The following TAFA5 variants were observed in gnomAD, a reference collection of about 807,000 sequenced individuals.
TAFA5 encodes TAFA chemokine like family member 5.
In TAFA5, 6 loss-of-function variants were observed where a neutral mutation model predicts 15.3. The ratio of observed to expected loss-of-function variants is 0.39; its 90% CI spans 0.21 to 0.77. TAFA5 has a LOEUF of 0.77. TAFA5 is among the 30% of genes least tolerant of loss of function. The pLI is 0.41. For missense variants in TAFA5, 161 were observed against 193.1 expected (o/e 0.83, Z 0.98); for synonymous variants, 103 against 80.7 (o/e 1.28, Z -1.48).
intron 2 of TAFA5, among the ~76,000 whole-genome samples, chr22:48,677,107 G>T (rs529133855): frequency 1.9e-4 from 29 of 152,384 alleles, no homozygotes; most frequent in African/African-American, 6.3e-4. Context: ...CAATTATCTT[G>T]GACATTCTCT....
chr22:48,565,674 C>T (rs907707377), intron 1 of TAFA5, among the ~76,000 whole-genome samples: 9 of 152,148 alleles, frequency 5.9e-5, no homozygotes, highest in African/African-American at 1.2e-4. Context: ...GAGGATTTCC[C>T]GGGACTTGCA....
At chr22:48,562,862 C>T (rs1415659867) in intron 1 of TAFA5, among the ~76,000 whole-genome samples, 1 of 152,182 alleles carries the variant, frequency 6.6e-6, no homozygotes, top group African/African-American at 2.4e-5. Flanking sequence ...CCCCAAACCA[C>T]ACGGGGCCCC....
intron 1 of TAFA5, among the ~76,000 whole-genome samples, chr22:48,636,226 C>T (rs537110897): frequency 2.6e-4 from 39 of 152,324 alleles, no homozygotes; most frequent in Middle Eastern, 3.4e-3. Context: ...GCAACACCAA[C>T]ATTATATTTC....
chr22:48,573,013 A>C (rs776792479), intron 1 of TAFA5, among the ~76,000 whole-genome samples: 53 of 152,316 alleles, frequency 3.5e-4, no homozygotes, highest in Non-Finnish European at 5.4e-4. Flanking sequence ...AAAGTCCCAC[A>C]CCTCAGGCAC....
chr22:48,621,972 G>A (rs1005933369), intron 1 of TAFA5, among the ~76,000 whole-genome samples: 3 of 152,124 alleles, frequency 2.0e-5, no homozygotes, highest in Non-Finnish European at 2.9e-5. Flanking sequence ...TTGGGCTCTC[G>A]CTGGCTAGTG....
At chr22:48,537,619 C>G (rs2147116712) in intron 1 of TAFA5, among the ~76,000 whole-genome samples, 1 of 152,368 alleles carries the variant, frequency 6.6e-6, no homozygotes, top group South Asian at 2.1e-4. Context: ...CGATGAGTGT[C>G]AAACCAAATG....
chr22:48,639,364 C>A (rs1926592394), intron 1 of TAFA5, among the ~76,000 whole-genome samples: 1 of 152,244 alleles, frequency 6.6e-6, no homozygotes, highest in Admixed American at 6.5e-5. Flanking sequence ...TAAATGCCAC[C>A]CTCTTGGTCT....
intron 2 of TAFA5, among the ~76,000 whole-genome samples, chr22:48,649,674 C>T (rs1020456995): frequency 2.6e-5 from 4 of 152,048 alleles, no homozygotes; most frequent in African/African-American, 9.7e-5. Flanking sequence ...CTGCTTCTCC[C>T]ACAGCCACAG....
intron 2 of TAFA5, among the ~76,000 whole-genome samples, chr22:48,664,850 G>A (rs568066355): frequency 3.9e-5 from 6 of 152,170 alleles, no homozygotes; most frequent in African/African-American, 7.2e-5. Flanking sequence ...GACGGTAGAC[G>A]TACAGGCTCT....
At chr22:48,724,862 C>T (rs1293642141) in intron 3 of TAFA5, among the ~76,000 whole-genome samples, 1 of 152,254 alleles carries the variant, frequency 6.6e-6, no homozygotes, top group African/African-American at 2.4e-5. Flanking sequence ...AGAGACTCAG[C>T]TCCCAGCCTG....
intron 2 of TAFA5, among the ~76,000 whole-genome samples, chr22:48,698,189 T>A (rs564009529): frequency 6.6e-6 from 1 of 151,650 alleles, no homozygotes; most frequent in Non-Finnish European, 1.5e-5. Context: ...GTGGTGATGA[T>A]GATGGTGACA....
chr22:48,629,747 G>A (rs1926147564), intron 1 of TAFA5, among the ~76,000 whole-genome samples: 1 of 152,214 alleles, frequency 6.6e-6, no homozygotes, highest in South Asian at 2.1e-4. Flanking sequence ...CACCACTGCA[G>A]GAAACCCTGG....
intron 1 of TAFA5, among the ~76,000 whole-genome samples, chr22:48,582,199 C>T (rs1263770035): frequency 6.6e-6 from 1 of 151,982 alleles, no homozygotes; most frequent in Non-Finnish European, 1.5e-5. Context: ...ACACACCACA[C>T]ACTACACGAT....
At chr22:48,583,188 C>T (rs1924155614) in intron 1 of TAFA5, among the ~76,000 whole-genome samples, 2 of 146,396 alleles carry the variant, frequency 1.4e-5, no homozygotes, top group South Asian at 4.5e-4. Flanking sequence ...ACAGTGCACT[C>T]CAAACACAAA....
At chr22:48,717,625 C>T (rs992579014) in intron 3 of TAFA5, among the ~76,000 whole-genome samples, 3 of 152,226 alleles carry the variant, frequency 2.0e-5, no homozygotes, top group Admixed American at 2.0e-4. Context: ...CTGCCTCAGC[C>T]AGATCCATTG....
At chr22:48,581,872 G>C (rs888649513) in intron 1 of TAFA5, among the ~76,000 whole-genome samples, 1 of 152,146 alleles carries the variant, frequency 6.6e-6, no homozygotes. Context: ...CTGGAGAGGG[G>C]AGGGAGGCAT....
At chr22:48,706,306 C>T (rs944053699) in intron 2 of TAFA5, among the ~76,000 whole-genome samples, 3 of 152,258 alleles carry the variant, frequency 2.0e-5, no homozygotes, top group East Asian at 3.9e-4. Flanking sequence ...AGCCTCTATT[C>T]GGAACAGTGA....
intron 3 of TAFA5, among the ~76,000 whole-genome samples, chr22:48,720,180 C>T (rs1466791531): frequency 3.3e-5 from 5 of 151,998 alleles, no homozygotes; most frequent in Non-Finnish European, 7.4e-5. Flanking sequence ...TTTCCTGGTG[C>T]CCCCTACTGG....
chr22:48,683,929 T>C (rs1473230107), intron 2 of TAFA5, among the ~76,000 whole-genome samples: 2 of 152,166 alleles, frequency 1.3e-5, no homozygotes, highest in African/African-American at 4.8e-5. Context: ...ACGTGCCTGC[T>C]TCCCCTTTGC....
Sources: allele counts gnomAD v4.1 joint callset (sites outside exome capture counted in the v4.1 genomes callset), GRCh38; gene constraint gnomAD v4.1.1; transcripts MANE v1.5; gene names NCBI Gene and HGNC (gene_info 2026-07-23, HGNC 2026-07-21).